The following SNX5 variants were observed in gnomAD, a reference collection of about 807,000 sequenced individuals.
SNX5 encodes sorting nexin 5.
Under a neutral mutation model 53.9 loss-of-function variants are expected in SNX5, and 31 were observed. The observed-to-expected ratio is 0.58, with a 90% CI of 0.43 to 0.78. The LOEUF is 0.78. Ranked by LOEUF, SNX5 falls within the 30% of genes least tolerant of loss-of-function variation. The probability of loss-of-function intolerance (pLI) is 0.00; values close to 1 mark genes in which losing one functional copy is unlikely to be tolerated. For synonymous variants in SNX5, 168 were observed against 171.1 expected (o/e 0.98, Z 0.14); for missense variants, 471 against 478.8 (o/e 0.98, Z 0.15).
intron 11 of SNX5, 132 bp downstream of exon 11, chr20:17,947,354 G>A (rs1038743926): frequency 2.2e-6 from 2 of 919,404 alleles, no homozygotes; most frequent in Non-Finnish European, 3.2e-6. Flanking sequence ...ATGTGCAAGT[G>A]ATAAGGCAGA....
intron 11 of SNX5, chr20:17,943,447 TATG>T (rs2039444619): frequency 4.5e-6 from 2 of 442,120 alleles, no homozygotes; most frequent in Non-Finnish European, 4.1e-6. Flanking sequence ...AGCAGCAGCT[TATG>T]ACTTGGAGAA....
chr20:17,950,468 T>C, intron 6 of SNX5, 72 bp from the exon 7 acceptor site: 2 of 809,094 alleles, frequency 2.5e-6, no homozygotes, highest in Non-Finnish European at 4.0e-6. Flanking sequence ...CATTTATCAA[T>C]ATAAAAATAT....
intron 1 of SNX5, chr20:17,961,391 T>C (rs893413015): frequency 1.0e-6 from 1 of 985,276 alleles, no homozygotes; most frequent in African/African-American, 1.7e-5. Context: ...AAAAATACAG[T>C]TTTTTCTAAG....
At position 17,948,851 on chromosome 20, in the gene SNX5, C is replaced by T. The variant is rs370914836; in HGVS notation, c.918+39G>A. 1.4e-5 allele frequency: 22 copies of T among 1,517,962 alleles called. No homozygotes were observed. In the African/African-American group the frequency reaches 2.7e-4, roughly 19 times the overall value. The allele number at this position is 1,517,962 out of a possible 1,614,324, so 94.0% of individuals were successfully genotyped here. On this transcript the variant is annotated intron_variant, in intron 10 of 12. Transcript: ENST00000377759. ...GAAACTTTTTAAACAGACTTCTGGT[C>T]CTGCACTGCTCTGAGAAGCTGAGCA...
At position 17,952,556 on chromosome 20, in the gene SNX5, G is replaced by A. The variant is rs73264179; in HGVS notation, c.513+31C>T. On this transcript the variant is annotated intron_variant, in intron 5 of 12. Transcript: ENST00000377759. ...TTTTGAAAGTATAAACATTTGAAGT[G>A]GATTATCAAAATGGAATAAAAATGC... is the stretch of plus-strand genomic sequence containing the variant. 8.0e-4 allele frequency: 1,285 copies of A among 1,599,428 alleles called. 16 individuals are homozygous for A. The African/African-American group carries it at 0.014, about 17-fold the overall frequency.
chr20:17,962,060 C>A (rs1335802707), intron 1 of SNX5: 86 of 857,806 alleles, frequency 1.0e-4, no homozygotes, highest in Non-Finnish European at 1.1e-4. Flanking sequence ...CCCATTGGTG[C>A]TCCGAATTGT....
chr20:17,968,769 T>C lies in SNX5; in HGVS notation c.-344A>G, dbSNP rs548223667. The C allele has an allele frequency of 6.0e-6, 2 of 334,720 alleles. No individual in the cohort carries two copies. Among genetic ancestry groups the C allele is most frequent in the Non-Finnish European group, 5.5e-6 (1 of 180,328 alleles). 20.7% of individuals were successfully genotyped at this position (334,720 alleles called of 1,614,324 possible). On this transcript the variant is annotated 5_prime_UTR_variant, in exon 1 of 13. Coordinates refer to ENST00000377759, the MANE Select transcript of SNX5 (RefSeq NM_014426.4). ...CACGGACGGGAAGCAACGGACACTC[T>C]CCCAGCAAGACGCGTCTAGAGAAAG...
At chr20:17,950,458 C>A in intron 6 of SNX5, 62 bp from the exon 7 acceptor site, 2 of 902,732 alleles carry the variant, frequency 2.2e-6, no homozygotes, top group Non-Finnish European at 1.8e-6. Context: ...CAGCCTTTTA[C>A]ATTTATCAAT....
chr20:17,942,898 A>G (rs1159934899), intron 12 of SNX5: 1 of 361,462 alleles, frequency 2.8e-6, no homozygotes, highest in Non-Finnish European at 4.9e-6. Context: ...TCTCTATTAA[A>G]AAAAAAAAAA....
At chr20:17,946,159 A>C (rs1600332493) in intron 11 of SNX5, among the ~76,000 whole-genome samples, 1 of 152,368 alleles carries the variant, frequency 6.6e-6, no homozygotes, top group East Asian at 1.9e-4. Flanking sequence ...AAGGCAAGAA[A>C]GAACCCTATG....
intron 5 of SNX5, 88 bp from the exon 6 acceptor site, chr20:17,951,683 C>T: frequency 1.1e-6 from 1 of 908,356 alleles, no homozygotes; most frequent in Non-Finnish European, 1.8e-6. Flanking sequence ...TTAAGTAATC[C>T]TCTTTATCAG....
intron 12 of SNX5, chr20:17,942,737 G>A: frequency 2.6e-6 from 1 of 378,132 alleles, no homozygotes; most frequent in Non-Finnish European, 4.8e-6. Context: ...ATGAAGGCAA[G>A]GGCCTTGGAA....
At chr20:17,947,422 G>A in intron 11 of SNX5, 64 bp downstream of exon 11, 1 of 1,558,162 alleles carries the variant, frequency 6.4e-7, no homozygotes, top group Non-Finnish European at 8.7e-7. Flanking sequence ...ACTATTTGTA[G>A]AACTTTTCTA....
chr20:17,942,897 A>T (rs1487619954), intron 12 of SNX5: 2 of 126,242 alleles, frequency 1.6e-5, no homozygotes, highest in East Asian at 1.5e-4. Flanking sequence ...ATCTCTATTA[A>T]AAAAAAAAAA....
intron 6 of SNX5, chr20:17,951,285 T>C (rs1264693217): frequency 1.9e-6 from 1 of 518,946 alleles, no homozygotes; most frequent in Non-Finnish European, 3.5e-6. Flanking sequence ...AAGCCAAGTG[T>C]GGAAAGGTTC....
At chr20:17,943,827 T>C (rs925811463) in intron 11 of SNX5, 3 of 152,198 alleles carry the variant, frequency 2.0e-5, no homozygotes, top group Non-Finnish European at 2.9e-5. Flanking sequence ...AGAATTACCA[T>C]ATGATCCAGC....
At chr20:17,960,594 T>TA (rs141261241) in intron 1 of SNX5, among the ~76,000 whole-genome samples, 18,707 of 147,704 alleles carry the variant, frequency 0.13, 1,241 homozygotes, top group Middle Eastern at 0.2. Flanking sequence ...AACTCCGTCT[T>TA]AAAAAAACAA....
At chr20:17,961,390 G>C (rs1329958051) in intron 1 of SNX5, 1 of 985,260 alleles carries the variant, frequency 1.0e-6, no homozygotes, top group Non-Finnish European at 1.2e-6. Context: ...AAAAAATACA[G>C]TTTTTTCTAA....
Position 17,950,226 on chromosome 20 carries a change from G to A in SNX5, c.716-19C>T, listed in dbSNP as rs557484634. On this transcript the variant is annotated intron_variant, in intron 7 of 12. Transcript: ENST00000377759. ...GCAACATCTGCAGAAACAAGGACAA[G>A]TCTTTTTATCCAAACACAGCCAGGC... is the stretch of plus-strand genomic sequence containing the variant. 3.3e-5 allele frequency: 54 copies of A among 1,613,970 alleles called. 1 individual carries two copies. The South Asian group carries it at 4.5e-4, about 13-fold the overall frequency.
Sources: allele counts gnomAD v4.1 joint callset (sites outside exome capture counted in the v4.1 genomes callset), GRCh38; gene constraint gnomAD v4.1.1; transcripts MANE v1.5; gene names NCBI Gene and HGNC (gene_info 2026-07-23, HGNC 2026-07-21).